The following VPS13B variants were observed in gnomAD, a reference collection of about 807,000 sequenced individuals.
The protein encoded by VPS13B is intermembrane lipid transfer protein VPS13B.
In VPS13B, 285 loss-of-function variants were observed where a neutral mutation model predicts 426.4. That is an observed-to-expected ratio of 0.67 (90% CI 0.61 to 0.74). VPS13B has a LOEUF of 0.74. VPS13B is among the 30% of genes least tolerant of loss of function. The pLI, the probability that VPS13B is intolerant of heterozygous loss-of-function variation, is 0.00. For missense variants in VPS13B, 4,537 were observed against 4,782.6 expected (o/e 0.95, Z 1.51); for synonymous variants, 1,676 against 1,676.4 (o/e 1.00, Z 0.01).
intron 4 of VPS13B, 111 bp downstream of exon 4, chr8:99,096,543 G>A: frequency 6.7e-7 from 1 of 1,482,132 alleles, no homozygotes; most frequent in Non-Finnish European, 9.2e-7. Flanking sequence ...ATTACTTGAG[G>A]TCAGGAGTTT....
intron 13 of VPS13B, among the ~76,000 whole-genome samples, chr8:99,147,548 A>G (rs960767016): frequency 1.3e-5 from 2 of 152,098 alleles, no homozygotes; most frequent in Non-Finnish European, 2.9e-5. Context: ...CATTATCTCA[A>G]TGGTATTTTA....
chr8:99,182,316 C>A lies in VPS13B; in HGVS notation c.2334-10560C>A, dbSNP rs900651384. ...TGTAGTGGAAAAAAGTCTAAATTGC[C>A]TTTGGGAGGATGAAGGAGGAAGGAT... On this transcript the variant is annotated intron_variant, in intron 16 of 61. Transcript: ENST00000357162. Among the ~76,000 whole-genome samples the A allele has an allele frequency of 2.0e-5, 3 of 151,888 alleles. No homozygotes were observed. The South Asian group carries it at 6.2e-4, about 32-fold the overall frequency.
intron 45 of VPS13B, among the ~76,000 whole-genome samples, chr8:99,818,030 A>G (rs1814145661): frequency 6.6e-6 from 1 of 152,106 alleles, no homozygotes; most frequent in South Asian, 2.1e-4. Flanking sequence ...CCCAGACGCA[A>G]GTGATATCTT....
intron 33 of VPS13B, among the ~76,000 whole-genome samples, chr8:99,589,597 G>A (rs1826501781): frequency 6.6e-6 from 1 of 151,640 alleles, no homozygotes; most frequent in South Asian, 2.1e-4. Context: ...TCTTAATCCA[G>A]TCTATCGTTT....
chr8:99,290,257 A>G (rs1311854287), intron 19 of VPS13B, among the ~76,000 whole-genome samples: 1 of 152,070 alleles, frequency 6.6e-6, no homozygotes, highest in Non-Finnish European at 1.5e-5. Context: ...AACCAACCCA[A>G]ATGTCCATCA....
Position 99,853,565 on chromosome 8 carries a change from C to A in VPS13B, c.10176C>A (p.Asp3392Glu). ...CTGAGCTTCTGAGACTCACACTGGA[C>A]AACATTTTTCTCTGTGTGGCCCCGG... Reference protein sequence around the residue: ...ASAELLRLTLDNIFLCVAPGA... With the variant: ...ASAELLRLTLENIFLCVAPGA... The change falls in exon 56 of 62, where the codon GAC becomes GAA. Residue 3392 changes from aspartate (D) to glutamate (E), a missense_variant. This residue lies in a region of VPS13B where 4,311 missense variants were observed against 4,474.3 expected (regional missense o/e 0.96). Coordinates refer to ENST00000357162, the MANE Select transcript of VPS13B (RefSeq NM_152564.5). 6.2e-7 allele frequency: 1 copy of A among 1,614,190 alleles called. No individual in the cohort carries two copies. Among genetic ancestry groups the A allele is most frequent in the Non-Finnish European group, 8.5e-7 (1 of 1,180,040 alleles).
At chr8:99,717,122 T>G in intron 36 of VPS13B, 49 bp from the exon 37 acceptor site, 1 of 1,474,984 alleles carries the variant, frequency 6.8e-7, no homozygotes, top group Non-Finnish European at 9.4e-7. Flanking sequence ...TTCCCAAACA[T>G]TTTTTTTGAT....
At chr8:99,121,121 A>T in intron 7 of VPS13B, 56 bp from the exon 8 acceptor site, 1 of 1,531,578 alleles carries the variant, frequency 6.5e-7, no homozygotes, top group Non-Finnish European at 8.8e-7. Flanking sequence ...GTCTATTTCT[A>T]TTCTCTTAGT....
At chr8:99,078,729 G>A (rs1396945240) in intron 3 of VPS13B, among the ~76,000 whole-genome samples, 1 of 152,170 alleles carries the variant, frequency 6.6e-6, no homozygotes, top group Non-Finnish European at 1.5e-5. Context: ...GATGGCATTG[G>A]TGGTAGCAAT....
chr8:99,795,061 A>G lies in VPS13B; in HGVS notation c.7941+10585A>G, dbSNP rs1362860799. 2.6e-5 allele frequency among the ~76,000 whole-genome samples: 4 copies of G among 152,342 alleles called. No homozygotes were observed. The East Asian group carries it at 5.8e-4, about 22-fold the overall frequency. ...AGCATCATTTGCATCTGATAAAGCTAGGAACTTTCAAAATAGCAAATCCTG... is the reference window on the plus strand; with the variant it reads ...AGCATCATTTGCATCTGATAAAGCTGGGAACTTTCAAAATAGCAAATCCTG... On this transcript the variant is annotated intron_variant, in intron 43 of 61. Transcript: ENST00000357162.
intron 19 of VPS13B, among the ~76,000 whole-genome samples, chr8:99,325,288 G>C (rs895057671): frequency 6.6e-6 from 1 of 152,116 alleles, no homozygotes; most frequent in Non-Finnish European, 1.5e-5. Context: ...TTTTATTTCC[G>C]CTTACCCTGC....
chr8:99,611,072 C>G (rs1296248194), intron 33 of VPS13B, among the ~76,000 whole-genome samples: 5 of 152,068 alleles, frequency 3.3e-5, no homozygotes, highest in Admixed American at 3.3e-4. Context: ...GTTAAATTCC[C>G]CTAAGCAGTG....
intron 39 of VPS13B, among the ~76,000 whole-genome samples, chr8:99,755,339 T>C (rs1320126014): frequency 6.6e-6 from 1 of 152,148 alleles, no homozygotes; most frequent in Admixed American, 6.5e-5. Flanking sequence ...ACTAACCAAG[T>C]GGAGACTTCA....
intron 2 of VPS13B, among the ~76,000 whole-genome samples, chr8:99,014,423 A>T (rs927066219): frequency 1.3e-5 from 2 of 151,920 alleles, no homozygotes; most frequent in Non-Finnish European, 2.9e-5. Context: ...CGGCCTGCAT[A>T]ATTTTTAAAA....
At chr8:99,516,030 G>A (rs996961776) in intron 29 of VPS13B, among the ~76,000 whole-genome samples, 2 of 151,764 alleles carry the variant, frequency 1.3e-5, no homozygotes, top group Non-Finnish European at 2.9e-5. Context: ...ACTTATAATT[G>A]TACTTGCATC....
intron 35 of VPS13B, among the ~76,000 whole-genome samples, chr8:99,666,014 C>T (rs1830470567): frequency 6.6e-6 from 1 of 152,130 alleles, no homozygotes; most frequent in Non-Finnish European, 1.5e-5. Context: ...GTTTGTAGTT[C>T]TCCTTGAAGA....
At chr8:99,204,493 G>A (rs1814559745) in intron 17 of VPS13B, among the ~76,000 whole-genome samples, 4 of 152,192 alleles carry the variant, frequency 2.6e-5, no homozygotes, top group Non-Finnish European at 5.9e-5. Flanking sequence ...GGCAACAAAA[G>A]CCAAAATTGA....
At chr8:99,563,755 G>C (rs1201890272) in intron 31 of VPS13B, among the ~76,000 whole-genome samples, 1 of 152,090 alleles carries the variant, frequency 6.6e-6, no homozygotes, top group Non-Finnish European at 1.5e-5. Flanking sequence ...CCAAATAAAG[G>C]CTAACTTAAT....
At chr8:99,118,874 C>G (rs779690016) in intron 7 of VPS13B, among the ~76,000 whole-genome samples, 2 of 152,248 alleles carry the variant, frequency 1.3e-5, no homozygotes, top group East Asian at 3.9e-4. Flanking sequence ...ACAAATTTCA[C>G]GTAGACATGT....
Sources: allele counts gnomAD v4.1 joint callset (sites outside exome capture counted in the v4.1 genomes callset), GRCh38; gene constraint gnomAD v4.1.1; regional missense constraint gnomAD v4.1.1; transcripts MANE v1.5; gene names NCBI Gene and HGNC (gene_info 2026-07-23, HGNC 2026-07-21).